Variants in ADGRV1 observed in about 807,000 individuals in gnomAD.
The protein encoded by ADGRV1 is G-protein coupled receptor 98.
ADGRV1 carries 359 observed loss-of-function variants against 596.2 expected under a neutral mutation model. The observed-to-expected ratio is 0.60, with a 90% CI of 0.55 to 0.66. ADGRV1 has a LOEUF of 0.66. ADGRV1 is among the 30% of genes least tolerant of loss of function. ADGRV1 has a pLI of 0.00. For synonymous variants in ADGRV1, 2,681 were observed against 2,679.2 expected, an observed-to-expected ratio of 1.00 and a Z score of -0.02; for missense variants, 7,274 against 7,575.6, an observed-to-expected ratio of 0.96 and a Z score of 1.48.
chr5:90,784,609 G>A (rs1759221542), intron 67 of ADGRV1, among the ~76,000 whole-genome samples: 1 of 152,120 alleles, frequency 6.6e-6, no homozygotes, highest in African/African-American at 2.4e-5. Context: ...TTCTGCAGAG[G>A]CATAAGCTGG....
chr5:91,135,208 T>A (rs1427384516), intron 87 of ADGRV1, among the ~76,000 whole-genome samples: 1 of 152,058 alleles, frequency 6.6e-6, no homozygotes, highest in Non-Finnish European at 1.5e-5. Flanking sequence ...AAATTTAATT[T>A]TTCTACATAG....
intron 85 of ADGRV1, among the ~76,000 whole-genome samples, chr5:91,034,395 A>C (rs1175964456): frequency 1.3e-5 from 2 of 152,210 alleles, no homozygotes; most frequent in African/African-American, 4.8e-5. Context: ...GAGATTCAAG[A>C]AGGGTAATAT....
intron 59 of ADGRV1, among the ~76,000 whole-genome samples, chr5:90,769,512 G>A (rs749365352): frequency 3.3e-5 from 5 of 152,134 alleles, no homozygotes; most frequent in Middle Eastern, 3.2e-3. Flanking sequence ...CTTTGAGAGA[G>A]AATCATGATG....
chr5:90,769,160 G>A (rs1757433744), intron 59 of ADGRV1, among the ~76,000 whole-genome samples: 1 of 152,154 alleles, frequency 6.6e-6, no homozygotes, highest in Non-Finnish European at 1.5e-5. Flanking sequence ...GGGAATCTTA[G>A]TGAACATCAG....
intron 83 of ADGRV1, among the ~76,000 whole-genome samples, chr5:90,935,724 A>T (rs1775625291): frequency 6.6e-6 from 1 of 152,188 alleles, no homozygotes; most frequent in Non-Finnish European, 1.5e-5. Flanking sequence ...GGAAGGACAG[A>T]TGTGTGTCCG....
At chr5:91,068,804 CA>C (rs199830652) in intron 85 of ADGRV1, among the ~76,000 whole-genome samples, 26,059 of 147,638 alleles carry the variant, frequency 0.18, 2,411 homozygotes, top group Admixed American at 0.3. Context: ...TCATATGAAA[CA>C]AAAAAAAAAA....
At chr5:90,825,220 A>G (rs181434305) in intron 76 of ADGRV1, among the ~76,000 whole-genome samples, 12 of 152,310 alleles carry the variant, frequency 7.9e-5, no homozygotes, top group Admixed American at 6.5e-4. Flanking sequence ...TACAGGCATG[A>G]GTCAGCATGC....
chr5:90,634,907 A>G (rs940342727), intron 9 of ADGRV1, among the ~76,000 whole-genome samples: 7 of 152,138 alleles, frequency 4.6e-5, no homozygotes, highest in South Asian at 4.2e-4. Context: ...CCCTTGGGGA[A>G]TAATAACAAT....
chr5:90,753,379 T>C (rs1223990852), intron 53 of ADGRV1, among the ~76,000 whole-genome samples, 195 bp from the exon 54 acceptor site: 1 of 152,088 alleles, frequency 6.6e-6, no homozygotes, highest in Non-Finnish European at 1.5e-5. Flanking sequence ...TATAAATGGT[T>C]TGCTCTTCCT....
At chr5:90,585,896 C>T (rs1758696215) in intron 1 of ADGRV1, among the ~76,000 whole-genome samples, 2 of 152,218 alleles carry the variant, frequency 1.3e-5, no homozygotes, top group African/African-American at 4.8e-5. Context: ...TCTTATTCAA[C>T]CCTCACCTTG....
chr5:90,852,875 A>C (rs1412007909), intron 79 of ADGRV1, among the ~76,000 whole-genome samples: 1 of 152,154 alleles, frequency 6.6e-6, no homozygotes, highest in Non-Finnish European at 1.5e-5. Flanking sequence ...AAGGTTTATG[A>C]TGTTCTTAAA....
At chr5:90,647,412 G>A in intron 16 of ADGRV1, 86 bp from the exon 17 acceptor site, 3 of 1,366,568 alleles carry the variant, frequency 2.2e-6, no homozygotes, top group Non-Finnish European at 3.0e-6. Context: ...CTTCTCTCTT[G>A]GAGGGCAGGG....
intron 85 of ADGRV1, among the ~76,000 whole-genome samples, chr5:91,068,455 C>T (rs192349928): frequency 3.1e-4 from 46 of 149,634 alleles, no homozygotes; most frequent in African/African-American, 8.9e-4. Flanking sequence ...GATGACAGAG[C>T]GGGACTCCAT....
At chr5:90,845,135 T>C (rs1409534855) in intron 78 of ADGRV1, among the ~76,000 whole-genome samples, 1 of 152,152 alleles carries the variant, frequency 6.6e-6, no homozygotes, top group Non-Finnish European at 1.5e-5. Context: ...GTGGGGAGTG[T>C]TGCCAGGCAG....
chr5:90,746,882 C>G (rs1754688891), intron 52 of ADGRV1, among the ~76,000 whole-genome samples: 1 of 152,132 alleles, frequency 6.6e-6, no homozygotes, highest in South Asian at 2.1e-4. Context: ...GTTTCAGATG[C>G]TACAGTCATG....
Position 90,778,548 on chromosome 5 carries a change from A to G in ADGRV1, c.12788A>G (p.Asp4263Gly). The G allele has an allele frequency of 6.2e-7, 1 of 1,609,522 alleles. No homozygotes were observed. Among genetic ancestry groups the G allele is most frequent in the Non-Finnish European group, 8.5e-7 (1 of 1,178,034 alleles). The change falls in exon 63 of 90, where the codon GAC becomes GGC. Residue 4263 changes from aspartate (D) to glycine (G), a missense_variant. Physicochemically the swap from Asp to Gly is moderately conservative, Grantham distance 94 (BLOSUM62 -1). Coordinates refer to ENST00000405460, the MANE Select transcript of ADGRV1 (RefSeq NM_032119.4). ...STANITVVAS[D>G]SPYGRFAFSH... ...GCCAACATCACGGTGGTGGCCAGCG[A>G]CTCTCCCTATGGCCGATTTGCCTTT...
chr5:90,914,839 A>G (rs934902794), intron 83 of ADGRV1, among the ~76,000 whole-genome samples: 1 of 152,190 alleles, frequency 6.6e-6, no homozygotes, highest in African/African-American at 2.4e-5. Flanking sequence ...ATAGGACCAC[A>G]ATGGAATATA....
At chr5:90,662,862 T>G (rs556198617) in intron 21 of ADGRV1, among the ~76,000 whole-genome samples, 110 of 152,054 alleles carry the variant, frequency 7.2e-4, no homozygotes, top group Non-Finnish European at 1.3e-3. Flanking sequence ...ATATGTGGTG[T>G]TTGGTTTTTT....
chr5:90,666,247 C>T (rs1055188388), intron 21 of ADGRV1, among the ~76,000 whole-genome samples: 2 of 152,038 alleles, frequency 1.3e-5, no homozygotes, highest in African/African-American at 4.8e-5. Flanking sequence ...GTGTGGGAGT[C>T]TAAGTCTCTT....
Sources: allele counts gnomAD v4.1 joint callset (sites outside exome capture counted in the v4.1 genomes callset), GRCh38; gene constraint gnomAD v4.1.1; transcripts MANE v1.5; gene names NCBI Gene and HGNC (gene_info 2026-07-23, HGNC 2026-07-21).